BBOF1: variants seen among roughly 807,000 people sequenced by gnomAD.
The protein encoded by BBOF1 is basal body-orientation factor 1.
In BBOF1, 62 loss-of-function variants were observed where a neutral mutation model predicts 68.0. The ratio of observed to expected loss-of-function variants is 0.91; its 90% CI spans 0.74 to 1.13. BBOF1 has a LOEUF of 1.13. Among genes scored for constraint, BBOF1 ranks in the 50% most tolerant of loss-of-function variants. The pLI is 0.00. For missense variants in BBOF1, 534 were observed against 600.1 expected, an observed-to-expected ratio of 0.89 and a Z score of 1.15; for synonymous variants, 208 against 198.8, an observed-to-expected ratio of 1.05 and a Z score of -0.39.
At chr14:74,050,292 A>AC in intron 8 of BBOF1, 97 bp downstream of exon 8, 7 of 1,330,426 alleles carry the variant, frequency 5.3e-6, no homozygotes, top group Non-Finnish European at 7.1e-6. Context: ...ATATTCAAGT[A>AC]TTGAATAGAT....
chr14:74,048,678 T>C (rs2060001817), intron 7 of BBOF1: 1 of 152,186 alleles, frequency 6.6e-6, no homozygotes, highest in Non-Finnish European at 1.5e-5. Flanking sequence ...CACATTTCTA[T>C]TTACATATCA....
chr14:74,062,418 A>G (rs916412567), intron 11 of BBOF1, among the ~76,000 whole-genome samples: 1 of 152,138 alleles, frequency 6.6e-6, no homozygotes, highest in Non-Finnish European at 1.5e-5. Context: ...CCTGGCCAAC[A>G]TGGCGAAACC....
Position 74,035,970 on chromosome 14 carries a change from G to A in BBOF1, c.495+1799G>A, listed in dbSNP as rs554845094. On this transcript the variant is annotated intron_variant, in intron 4 of 11. Transcript: ENST00000394009. ...GATACCATCATTTGAAGAGAAGAGT[G>A]TCAAAGAACTTATAGACACATTTTA... 4.6e-5 allele frequency among the ~76,000 whole-genome samples: 7 copies of A among 152,202 alleles called. No individual in the cohort carries two copies. The East Asian group carries it at 1.2e-3, about 25-fold the overall frequency.
chr14:74,048,178 C>G, intron 7 of BBOF1, 104 bp downstream of exon 7: 1 of 1,053,362 alleles, frequency 9.5e-7, no homozygotes. Flanking sequence ...GACAATGAGA[C>G]CATTTTCATC....
chr14:74,040,535 A>AT, intron 4 of BBOF1, 30 bp from the exon 5 acceptor site: 3 of 1,416,722 alleles, frequency 2.1e-6, no homozygotes, highest in Non-Finnish European at 2.9e-6. Context: ...TCTATTGATC[A>AT]TTTTTGTTTG....
chr14:74,078,781 A>G (rs10138329), intron 10 of BBOF1, among the ~76,000 whole-genome samples: 35,164 of 151,620 alleles, frequency 0.23, 4,856 homozygotes, highest in South Asian at 0.46. Flanking sequence ...TGCCTGCCTC[A>G]GCCTCCCAAA....
downstream of BBOF1, among the ~76,000 whole-genome samples, chr14:74,067,807 C>T (rs2060491718): frequency 6.6e-6 from 1 of 151,928 alleles, no homozygotes; most frequent in South Asian, 2.1e-4. Context: ...AGTCTGTGGT[C>T]CCAGCTACTT....
At chr14:74,051,435 C>A (rs992684524) in intron 8 of BBOF1, among the ~76,000 whole-genome samples, 13 of 151,456 alleles carry the variant, frequency 8.6e-5, no homozygotes, top group Admixed American at 5.3e-4. Flanking sequence ...AAACAAAAAA[C>A]CAAAACAATT....
At chr14:74,029,073 C>A in intron 2 of BBOF1, 111 bp from the exon 3 acceptor site, 2 of 642,472 alleles carry the variant, frequency 3.1e-6, no homozygotes, top group Non-Finnish European at 5.5e-6. Flanking sequence ...CCACCTCACT[C>A]ACCTCTTTTG....
rs2060026423 is a variant in BBOF1 at position 74,049,817 on chromosome 14, C to T, written c.908C>T (p.Thr303Ile). 6.2e-6 allele frequency: 10 copies of T among 1,614,100 alleles called. No individual in the cohort carries two copies. The highest frequency in any genetic ancestry group is 8.5e-6 in the Non-Finnish European group (10 of 1,180,032). Residue 303 changes from threonine to isoleucine, a missense_variant, in exon 8 of 12, where the codon ACC becomes ATC. Thr to Ile is a moderately conservative substitution (Grantham distance 89, BLOSUM62 -1). Transcript: ENST00000394009. ...VNLETALSYM[T>I]KEFESEVLKL... is the part of the protein sequence containing the mutation. The stretch of plus-strand genomic sequence containing the variant: ...TTGGAGACTGCTCTGAGTTACATGA[C>T]CAAAGAGTTTGAGAGTGAAGTTTTA...
intron 1 of BBOF1, among the ~76,000 whole-genome samples, chr14:74,020,559 A>T (rs1186081389): frequency 1.3e-5 from 2 of 151,820 alleles, no homozygotes; most frequent in Admixed American, 1.3e-4. Flanking sequence ...GCCGGAGTGC[A>T]ATGGCACGAT....
chr14:74,041,138 T>A (rs1249168970), intron 5 of BBOF1, among the ~76,000 whole-genome samples: 1 of 152,076 alleles, frequency 6.6e-6, no homozygotes, highest in Non-Finnish European at 1.5e-5. Context: ...ACCCTATCTC[T>A]ACAAAAATAC....
downstream of BBOF1, chr14:74,066,181 G>A (rs902655974): frequency 1.2e-5 from 2 of 165,948 alleles, no homozygotes; most frequent in African/African-American, 4.8e-5. Context: ...AAGAGGGAGA[G>A]GGGAGAGAAA....
intron 7 of BBOF1, 49 bp from the exon 8 acceptor site, chr14:74,049,653 T>G: frequency 3.4e-6 from 5 of 1,466,058 alleles, no homozygotes; most frequent in Non-Finnish European, 4.5e-6. Flanking sequence ...CAGAGCAAGA[T>G]TCCATCTCAA....
At chr14:74,043,132 G>T (rs1420581002) in intron 5 of BBOF1, among the ~76,000 whole-genome samples, 1 of 152,072 alleles carries the variant, frequency 6.6e-6, no homozygotes, top group Non-Finnish European at 1.5e-5. Context: ...TTATACCTCA[G>T]CATGCCCCAG....
chr14:74,036,856 T>A (rs918317272), intron 4 of BBOF1, among the ~76,000 whole-genome samples: 1 of 152,118 alleles, frequency 6.6e-6, no homozygotes, highest in African/African-American at 2.4e-5. Flanking sequence ...AAAATGAGTA[T>A]TCATTAATCC....
downstream of BBOF1, chr14:74,066,813 A>C: frequency 6.2e-7 from 1 of 1,614,062 alleles, no homozygotes; most frequent in Non-Finnish European, 8.5e-7. Context: ...TTGTTCCACT[A>C]TCAATCAGAT....
intron 2 of BBOF1, among the ~76,000 whole-genome samples, chr14:74,027,385 CT>C (rs35107293): frequency 0.22 from 13,481 of 60,962 alleles, 1,033 homozygotes; most frequent in Admixed American, 0.28. Flanking sequence ...CCTCGCCCAG[CT>C]TTTTTTTTTT....
intron 8 of BBOF1, chr14:74,055,211 C>T (rs62005113): frequency 0.099 from 17,286 of 174,924 alleles, 969 homozygotes; most frequent in South Asian, 0.15. Context: ...CACAGTGGCG[C>T]GATCTCAGCT....
Sources: gnomAD v4.1 joint callset for allele counts (sites outside exome capture counted in the v4.1 genomes callset) on GRCh38, gnomAD v4.1.1 for gene constraint, MANE v1.5 for transcripts, NCBI Gene and HGNC (gene_info 2026-07-23, HGNC 2026-07-21) for gene names.